The following SPATA12 variants were observed in gnomAD, a reference collection of about 807,000 sequenced individuals.
The protein encoded by SPATA12 is spermatogenesis associated 12.
For synonymous variants in SPATA12, 85 were observed against 89.2 expected, an observed-to-expected ratio of 0.95 and a Z score of 0.26; for missense variants, 219 against 226.4, an observed-to-expected ratio of 0.97 and a Z score of 0.21.
rs59510971 is a variant in SPATA12 at position 57,066,040 on chromosome 3, C to CA, written c.-330+5266dup. Reference sequence around the variant, plus strand: ...ACACAGTGAGACTCTGTCTCCAAAACAAAAAAAAAAAACCCTAAAATGTAA... The same window carrying CA: ...ACACAGTGAGACTCTGTCTCCAAAACAAAAAAAAAAAAACCCTAAAATGTAA... On this transcript the variant is annotated intron_variant, in intron 1 of 1. Coordinates refer to ENST00000334325, the MANE Select transcript of SPATA12 (RefSeq NM_181727.2). Among the ~76,000 whole-genome samples the CA allele has an allele frequency of 9.2e-3, 1,175 of 127,348 alleles. 13 individuals carry two copies. The highest frequency in any genetic ancestry group is 0.025 in the African/African-American group (845 of 34,462). 83.5% of individuals were successfully genotyped at this position (127,348 alleles called of 152,430 possible).
intron 1 of SPATA12, among the ~76,000 whole-genome samples, chr3:57,061,135 G>T: frequency 6.6e-6 from 1 of 152,006 alleles, no homozygotes; most frequent in Non-Finnish European, 1.5e-5. Flanking sequence ...AACTCCTCCT[G>T]CACCTGCCCC....
intron 1 of SPATA12, among the ~76,000 whole-genome samples, chr3:57,067,520 T>C (rs1705618249): frequency 6.7e-6 from 1 of 149,330 alleles, no homozygotes; most frequent in South Asian, 2.1e-4. Flanking sequence ...AAAGCTATCA[T>C]AGTAGATATA....
chr3:57,065,141 C>T (rs976093556), intron 1 of SPATA12, among the ~76,000 whole-genome samples: 4 of 152,122 alleles, frequency 2.6e-5, no homozygotes, highest in Non-Finnish European at 5.9e-5. Context: ...TCCAGTAGGC[C>T]ATGGTCTTAA....
At chr3:57,069,912 T>C (rs1705790822) in intron 1 of SPATA12, among the ~76,000 whole-genome samples, 1 of 152,252 alleles carries the variant, frequency 6.6e-6, no homozygotes, top group South Asian at 2.1e-4. Context: ...CCCAAAGTGC[T>C]GGGATTACAG....
Position 57,073,605 on chromosome 3 carries a change from T to G in SPATA12, c.-90T>G. ...TGGAACAGTGCACTCAGAGCCAGGT[T>G]GCAAGAGTGCTGCATGCTCCTCAGG... On this transcript the variant is annotated 5_prime_UTR_variant, in exon 2 of 2. Coordinates refer to ENST00000334325, the MANE Select transcript of SPATA12 (RefSeq NM_181727.2). 1.3e-6 allele frequency: 2 copies of G among 1,483,876 alleles called. No homozygotes were observed. The highest frequency in any genetic ancestry group is 2.8e-5 in the South Asian group (2 of 70,848). 91.9% of individuals were successfully genotyped at this position (1,483,876 alleles called of 1,614,324 possible).
At chr3:57,072,917 G>T (rs1045161126) in intron 1 of SPATA12, among the ~76,000 whole-genome samples, 18 of 150,952 alleles carry the variant, frequency 1.2e-4, no homozygotes, top group Admixed American at 6.6e-4. Flanking sequence ...GCAGTGGCAG[G>T]CGCCTGTAAT....
At chr3:57,066,690 G>A (rs1425184121) in intron 1 of SPATA12, among the ~76,000 whole-genome samples, 1 of 152,360 alleles carries the variant, frequency 6.6e-6, no homozygotes, top group South Asian at 2.1e-4. Context: ...AGACATTTCT[G>A]TGAAGGTATT....
In SPATA12 at chr3:57,074,076, C is replaced by T; in HGVS notation, c.382C>T (p.Gln128Ter). 1 of 1,614,058 alleles carries T rather than the reference C, an allele frequency of 6.2e-7. No individual in the cohort carries two copies. The highest frequency in any genetic ancestry group is 1.1e-5 in the South Asian group (1 of 91,070). ...GCAAGTTATTCATAACTCTACACCTCAATTTCTTGGTATGGAAGATGGGGA... is the reference window on the plus strand; with the variant it reads ...GCAAGTTATTCATAACTCTACACCTTAATTTCTTGGTATGGAAGATGGGGA... ...CEQVIHNSTP[Q>*]FLGMEDGDNE... Residue 128 changes from glutamine to a stop codon, truncating the protein, a stop_gained, in exon 2 of 2, where the codon CAA (glutamine) becomes TAA (stop). Transcript: ENST00000334325. LOFTEE classifies it low-confidence loss of function (END_TRUNC).
At chr3:57,067,667 T>G (rs930042793) in intron 1 of SPATA12, among the ~76,000 whole-genome samples, 1 of 150,088 alleles carries the variant, frequency 6.7e-6, no homozygotes, top group Non-Finnish European at 1.5e-5. Flanking sequence ...AGACCCAGTC[T>G]CTACAAAAAA....
At chr3:57,069,411 ATTGT>A (rs1450251274) in intron 1 of SPATA12, among the ~76,000 whole-genome samples, 73 of 147,810 alleles carry the variant, frequency 4.9e-4, no homozygotes, top group Middle Eastern at 3.5e-3. Flanking sequence ...ACACACACAC[ATTGT>A]TTGTTTAAAA....
Position 57,070,780 on chromosome 3 carries a change from C to T in SPATA12, c.-329-2586C>T, listed in dbSNP as rs188689294. On this transcript the variant is annotated intron_variant, in intron 1 of 1. Coordinates refer to ENST00000334325, the MANE Select transcript of SPATA12 (RefSeq NM_181727.2). Reference sequence around the variant, plus strand: ...TTGAGACCAGCCTGGGTAACACAGCCAGACCCAGTCTCTACCAAAAATAAA... The same window carrying T: ...TTGAGACCAGCCTGGGTAACACAGCTAGACCCAGTCTCTACCAAAAATAAA... 4.0e-5 allele frequency among the ~76,000 whole-genome samples: 6 copies of T among 151,794 alleles called. No individual in the cohort carries two copies. In the East Asian group the frequency reaches 1.2e-3, roughly 29 times the overall value.
chr3:57,066,558 C>G (rs544018354), intron 1 of SPATA12, among the ~76,000 whole-genome samples: 2 of 152,350 alleles, frequency 1.3e-5, no homozygotes, highest in African/African-American at 4.8e-5. Context: ...CCACCGCGCC[C>G]AGGCTTTTGC....
At position 57,074,342 on chromosome 3, in the gene SPATA12, T is replaced by A; in HGVS notation, c.*75T>A. 3 of 1,324,354 alleles carry A rather than the reference T, an allele frequency of 2.3e-6. No individual in the cohort carries two copies. Among genetic ancestry groups the A allele is most frequent in the Non-Finnish European group, 3.2e-6 (3 of 941,800 alleles). The allele number at this position is 1,324,354 out of a possible 1,614,324, so 82.0% of individuals were successfully genotyped here. A position where few individuals can be genotyped will look rare whatever the true frequency, so the allele number is the denominator to read the frequency against. ...CCTTTGCACATGCTATGCCCTCCCT[T>A]CCATCCCCCACCCCCACCAGGGGTG... On this transcript the variant is annotated 3_prime_UTR_variant, in exon 2 of 2. Coordinates refer to ENST00000334325, the MANE Select transcript of SPATA12 (RefSeq NM_181727.2).
chr3:57,073,529 CTGTT>C lies in SPATA12; in HGVS notation c.-163_-160del, dbSNP rs1302961414. ...ATCTGGGTGACTGTGGGGTTTGGCT[CTGTT>C]TGAGCACCCCGGGATGATTGGTGGT... On this transcript the variant is annotated 5_prime_UTR_variant, in exon 2 of 2. An upstream open reading frame in the 5' UTR gains an earlier in-frame stop. Transcript: ENST00000334325. The C allele has an allele frequency of 1.8e-5, 21 of 1,190,208 alleles. No homozygotes were observed. Among genetic ancestry groups the C allele is most frequent in the Middle Eastern group, 2.9e-4 (1 of 3,394 alleles). The allele number at this position is 1,190,208 out of a possible 1,614,324, so 73.7% of individuals were successfully genotyped here.
At chr3:57,068,168 T>TAC (rs55876198) in intron 1 of SPATA12, among the ~76,000 whole-genome samples, 77,509 of 148,762 alleles carry the variant, frequency 0.52, 20,724 homozygotes, top group Middle Eastern at 0.61. Context: ...CACACACACA[T>TAC]ACACACACAC....
At chr3:57,066,270 C>CTT (rs796586047) in intron 1 of SPATA12, among the ~76,000 whole-genome samples, 3 of 145,312 alleles carry the variant, frequency 2.1e-5, no homozygotes, top group Non-Finnish European at 3.0e-5. Context: ...TCCTTTCTTT[C>CTT]TTTTTTTTTT....
At chr3:57,061,713 G>C (rs1705232098) in intron 1 of SPATA12, among the ~76,000 whole-genome samples, 1 of 152,130 alleles carries the variant, frequency 6.6e-6, no homozygotes, top group African/African-American at 2.4e-5. Context: ...ACACTTTTAG[G>C]ATTCTGGCAG....
chr3:57,065,025 G>A (rs371807045), intron 1 of SPATA12, among the ~76,000 whole-genome samples: 1 of 152,372 alleles, frequency 6.6e-6, no homozygotes, highest in South Asian at 2.1e-4. Context: ...GCTCTAAACT[G>A]AAGAGAAATG....
At chr3:57,070,971 CAAAAAAA>C (rs1231328722) in intron 1 of SPATA12, among the ~76,000 whole-genome samples, 1 of 49,686 alleles carries the variant, frequency 2.0e-5, no homozygotes, top group African/African-American at 6.3e-5. Flanking sequence ...GACTCTGTCA[CAAAAAAA>C]AAAAAAAAAG....
Sources: gnomAD v4.1 joint callset for allele counts (sites outside exome capture counted in the v4.1 genomes callset) on GRCh38, gnomAD v4.1.1 for gene constraint, MANE v1.5 for transcripts, NCBI Gene and HGNC (gene_info 2026-07-23, HGNC 2026-07-21) for gene names.